Variants in ADCK1 observed in about 807,000 individuals in gnomAD.
ADCK1 encodes aarF domain-containing protein kinase 1.
ADCK1 carries 41 observed loss-of-function variants against 52.3 expected under a neutral mutation model. The observed-to-expected ratio is 0.78, with a 90% CI of 0.61 to 1.02. The LOEUF (loss-of-function observed/expected upper bound fraction) is 1.02. Ranked by LOEUF, ADCK1 falls within the 50% of genes least tolerant of loss-of-function variation. ADCK1 has a pLI of 0.00. For synonymous variants in ADCK1, 250 were observed against 274.6 expected, an observed-to-expected ratio of 0.91 and a Z score of 0.89; for missense variants, 658 against 679.5, an observed-to-expected ratio of 0.97 and a Z score of 0.35.
rs192699612 is a variant in ADCK1, at chr14:77,924,434, C to T, written c.859-23C>T. On this transcript the variant is annotated intron_variant, in intron 7 of 10. Coordinates refer to ENST00000238561, the MANE Select transcript of ADCK1 (RefSeq NM_020421.4). The stretch of plus-strand genomic sequence containing the variant: ...ATAGATGTGAGTGGAGAGGAGCTCC[C>T]ACCTGCCCCTCTTCTCTTTCAGATC... The T allele has an allele frequency of 2.4e-4, 392 of 1,612,460 alleles. 1 individual carries two copies. The African/African-American group carries it at 4.6e-3, about 19-fold the overall frequency.
At chr14:77,840,151 C>T (rs1347980182) in intron 3 of ADCK1, among the ~76,000 whole-genome samples, 1 of 152,036 alleles carries the variant, frequency 6.6e-6, no homozygotes, top group Admixed American at 6.6e-5. Flanking sequence ...AATACAGTAG[C>T]TTCCTATGAC....
intron 3 of ADCK1, among the ~76,000 whole-genome samples, chr14:77,856,473 T>G (rs2082419146): frequency 6.6e-6 from 1 of 152,034 alleles, no homozygotes; most frequent in Non-Finnish European, 1.5e-5. Flanking sequence ...TAAGCCCCAT[T>G]GGAGATATTG....
chr14:77,872,825 C>T (rs1170001451), intron 4 of ADCK1, among the ~76,000 whole-genome samples: 1 of 152,066 alleles, frequency 6.6e-6, no homozygotes, highest in African/African-American at 2.4e-5. Flanking sequence ...CAGGCATCCG[C>T]CACCACGCCC....
At chr14:77,921,644 T>C (rs1390402618) in intron 7 of ADCK1, among the ~76,000 whole-genome samples, 1 of 151,924 alleles carries the variant, frequency 6.6e-6, no homozygotes, top group Non-Finnish European at 1.5e-5. Flanking sequence ...AAACAAACAT[T>C]AGGAACAGTC....
chr14:77,876,168 C>T (rs994804588), intron 4 of ADCK1, among the ~76,000 whole-genome samples: 8 of 152,312 alleles, frequency 5.3e-5, no homozygotes, highest in South Asian at 2.1e-4. Flanking sequence ...AAGGTGTTGA[C>T]TGGGCTGTAT....
intron 3 of ADCK1, among the ~76,000 whole-genome samples, chr14:77,843,025 G>A (rs1315150273): frequency 6.6e-6 from 1 of 151,828 alleles, no homozygotes; most frequent in African/African-American, 2.4e-5. Flanking sequence ...GAGTAGCTGG[G>A]ATCACAGGTG....
chr14:77,848,355 G>A (rs1027532338), intron 3 of ADCK1, among the ~76,000 whole-genome samples: 6 of 152,182 alleles, frequency 3.9e-5, no homozygotes, highest in Admixed American at 6.5e-5. Flanking sequence ...CTAACTTTTT[G>A]GAGCCCAAGT....
At chr14:77,809,236 A>T (rs536826170) in intron 1 of ADCK1, among the ~76,000 whole-genome samples, 9 of 152,238 alleles carry the variant, frequency 5.9e-5, no homozygotes, top group Admixed American at 3.9e-4. Context: ...TAAAGATTAG[A>T]TGGGATGTGG....
chr14:77,926,990 C>T (rs1249144840), intron 9 of ADCK1, among the ~76,000 whole-genome samples: 1 of 152,170 alleles, frequency 6.6e-6, no homozygotes. Context: ...CCTTGGGCTC[C>T]AGCTGAGGCC....
intron 4 of ADCK1, among the ~76,000 whole-genome samples, chr14:77,862,726 C>A (rs73309329): frequency 2.0e-5 from 3 of 152,176 alleles, no homozygotes; most frequent in Admixed American, 6.6e-5. Flanking sequence ...CTGGTCTACG[C>A]GGTTGGCATT....
intron 1 of ADCK1, among the ~76,000 whole-genome samples, chr14:77,802,582 C>T (rs1173702628): frequency 6.6e-6 from 1 of 151,158 alleles, no homozygotes; most frequent in Non-Finnish European, 1.5e-5. Context: ...TCCCGGGATT[C>T]CTTTATTTAA....
In ADCK1 at chr14:77,886,544, G is replaced by A. The variant is rs562470704; in HGVS notation, c.424-547G>A. Among the ~76,000 whole-genome samples, 7 of 152,274 alleles carry A rather than the reference G, an allele frequency of 4.6e-5. No individual in the cohort carries two copies. The South Asian group carries it at 6.2e-4, about 14-fold the overall frequency. ...GATGCGCCTTCCATGTACGTCTTCT[G>A]TCCCCCTTCCTCTGTATGCCTACCG... On this transcript the variant is annotated intron_variant, in intron 4 of 10. Coordinates refer to ENST00000238561, the MANE Select transcript of ADCK1 (RefSeq NM_020421.4).
At chr14:77,919,968 T>C (rs1340384267) in intron 7 of ADCK1, among the ~76,000 whole-genome samples, 1 of 152,228 alleles carries the variant, frequency 6.6e-6, no homozygotes, top group Admixed American at 6.5e-5. Flanking sequence ...GAGTTCCTTG[T>C]AGATTCTGGA....
intron 7 of ADCK1, chr14:77,914,574 A>G: frequency 1.0e-6 from 1 of 985,384 alleles, no homozygotes; most frequent in Non-Finnish European, 1.2e-6. Context: ...GAGGCTTTAT[A>G]GAGGTTGGGT....
intron 7 of ADCK1, among the ~76,000 whole-genome samples, chr14:77,909,327 G>T (rs1040842547): frequency 6.6e-6 from 1 of 152,104 alleles, no homozygotes; most frequent in East Asian, 1.9e-4. Flanking sequence ...TAGAGACAGG[G>T]TTTCTCCATA....
intron 7 of ADCK1, among the ~76,000 whole-genome samples, chr14:77,914,732 G>A (rs1050707289): frequency 6.6e-6 from 1 of 152,170 alleles, no homozygotes; most frequent in Non-Finnish European, 1.5e-5. Context: ...TAGGGTCATT[G>A]TGTGAATTTT....
intron 3 of ADCK1, among the ~76,000 whole-genome samples, chr14:77,836,986 C>T (rs2140077993): frequency 6.6e-6 from 1 of 151,828 alleles, no homozygotes; most frequent in East Asian, 1.9e-4. Context: ...GACAGGGTTT[C>T]ACCATGTTGG....
At chr14:77,903,742 G>T (rs2083598874) in intron 6 of ADCK1, among the ~76,000 whole-genome samples, 1 of 152,166 alleles carries the variant, frequency 6.6e-6, no homozygotes, top group Admixed American at 6.5e-5. Flanking sequence ...TCCTTAGTGT[G>T]AGGTAAGGAG....
intron 4 of ADCK1, among the ~76,000 whole-genome samples, chr14:77,881,297 C>T (rs2083016956): frequency 6.6e-6 from 1 of 152,212 alleles, no homozygotes; most frequent in Non-Finnish European, 1.5e-5. Flanking sequence ...GACCCCTCTG[C>T]AGGCTGCACG....
Sources: gnomAD v4.1 joint callset for allele counts (sites outside exome capture counted in the v4.1 genomes callset) on GRCh38, gnomAD v4.1.1 for gene constraint, MANE v1.5 for transcripts, NCBI Gene and HGNC (gene_info 2026-07-23, HGNC 2026-07-21) for gene names.